Variants in GPRIN3 observed in about 807,000 individuals in gnomAD.
The protein encoded by GPRIN3 is G protein-regulated inducer of neurite outgrowth 3.
In GPRIN3, 12 loss-of-function variants were observed where a neutral mutation model predicts 13.7. The ratio of observed to expected loss-of-function variants is 0.87; its 90% confidence interval spans 0.56 to 1.42. The LOEUF is 1.42. GPRIN3 is among the 40% of genes most tolerant of loss of function. The pLI, the probability that GPRIN3 is intolerant of heterozygous loss-of-function variation, is 0.00. For synonymous variants in GPRIN3, 377 were observed against 372.7 expected, an observed-to-expected ratio of 1.01 and a Z score of -0.13; for missense variants, 1,009 against 958.7, an observed-to-expected ratio of 1.05 and a Z score of -0.69.
intron 1 of GPRIN3, among the ~76,000 whole-genome samples, chr4:89,280,394 A>G (rs1724215006): frequency 6.6e-6 from 1 of 152,242 alleles, no homozygotes; most frequent in Non-Finnish European, 1.5e-5. Context: ...ATATTTCAAG[A>G]TGAAGTTCAA....
chr4:89,289,034 C>T (rs1724499957), intron 1 of GPRIN3, among the ~76,000 whole-genome samples: 1 of 151,872 alleles, frequency 6.6e-6, no homozygotes, highest in Non-Finnish European at 1.5e-5. Flanking sequence ...ACTTTCAGAT[C>T]ATCCCTTTGT....
intron 1 of GPRIN3, among the ~76,000 whole-genome samples, chr4:89,304,921 AAT>A (rs1228284782): frequency 6.6e-6 from 1 of 152,214 alleles, no homozygotes; most frequent in Non-Finnish European, 1.5e-5. Context: ...TTGAGCCAAA[AAT>A]AATTAAGACT....
intron 1 of GPRIN3, among the ~76,000 whole-genome samples, chr4:89,281,528 T>C (rs1488947409): frequency 6.6e-6 from 1 of 152,148 alleles, no homozygotes; most frequent in Non-Finnish European, 1.5e-5. Flanking sequence ...ATCTGCCCCA[T>C]GATCCAATCA....
intron 1 of GPRIN3, among the ~76,000 whole-genome samples, chr4:89,281,141 T>G (rs1227098052): frequency 6.6e-6 from 1 of 151,702 alleles, no homozygotes; most frequent in Non-Finnish European, 1.5e-5. Flanking sequence ...TTTTTTTTTT[T>G]AGATAGAGTC....
At chr4:89,274,359 T>C (rs1343078255) in intron 1 of GPRIN3, among the ~76,000 whole-genome samples, 1 of 152,196 alleles carries the variant, frequency 6.6e-6, no homozygotes, top group Non-Finnish European at 1.5e-5. Context: ...AATGTTTATT[T>C]GGAAGTTCTC....
At chr4:89,299,127 T>G (rs1377072382) in intron 1 of GPRIN3, among the ~76,000 whole-genome samples, 1 of 152,202 alleles carries the variant, frequency 6.6e-6, no homozygotes, top group East Asian at 1.9e-4. Flanking sequence ...TATGGTCTTT[T>G]ATATATTATC....
chr4:89,279,529 T>A (rs1016808060), intron 1 of GPRIN3, among the ~76,000 whole-genome samples: 3 of 152,220 alleles, frequency 2.0e-5, no homozygotes, highest in Admixed American at 2.0e-4. Flanking sequence ...ACTCCCCACT[T>A]CTTGCACAGT....
chr4:89,257,538 C>G (rs1248995322), intron 1 of GPRIN3, among the ~76,000 whole-genome samples: 1 of 152,140 alleles, frequency 6.6e-6, no homozygotes, highest in African/African-American at 2.4e-5. Flanking sequence ...TAGAACAGCT[C>G]TATAAGGATG....
In GPRIN3 at chr4:89,269,899, A is replaced by C. The variant is rs191239071; in HGVS notation, c.-123-19666T>G. On this transcript the variant is annotated intron_variant, in intron 1 of 1. Transcript: ENST00000609438. ...CACTAAGCTTTAAATCAAATACTTG[A>C]GGAACTAAGAGAATAAATGTCCTTT... is the stretch of plus-strand genomic sequence containing the variant. 9.0e-4 allele frequency among the ~76,000 whole-genome samples: 137 copies of C among 152,312 alleles called. 2 individuals are homozygous for C. Among genetic ancestry groups the C allele is most frequent in the Non-Finnish European group, 1.5e-3 (105 of 68,024 alleles).
At chr4:89,268,099 G>A (rs1466004782) in intron 1 of GPRIN3, among the ~76,000 whole-genome samples, 2 of 152,174 alleles carry the variant, frequency 1.3e-5, no homozygotes, top group Non-Finnish European at 2.9e-5. Flanking sequence ...TTTGTGGTGG[G>A]CAATAGGAAG....
At chr4:89,253,086 C>T (rs1723375618) in intron 1 of GPRIN3, among the ~76,000 whole-genome samples, 1 of 151,280 alleles carries the variant, frequency 6.6e-6, no homozygotes, top group Non-Finnish European at 1.5e-5. Context: ...TCTTTTCATG[C>T]ACTGTTTTCG....
At chr4:89,300,083 C>G (rs867826579) in intron 1 of GPRIN3, among the ~76,000 whole-genome samples, 1 of 152,160 alleles carries the variant, frequency 6.6e-6, no homozygotes, top group Admixed American at 6.5e-5. Flanking sequence ...TAAACTTTCA[C>G]AGACTCTACA....
intron 1 of GPRIN3, among the ~76,000 whole-genome samples, chr4:89,258,204 A>C (rs1032959547): frequency 6.7e-6 from 1 of 149,714 alleles, no homozygotes; most frequent in African/African-American, 2.4e-5. Flanking sequence ...AAGGAAATGA[A>C]GACTTGTAGA....
chr4:89,276,454 C>G (rs2149275387), intron 1 of GPRIN3, among the ~76,000 whole-genome samples: 1 of 152,174 alleles, frequency 6.6e-6, no homozygotes, highest in East Asian at 1.9e-4. Context: ...TTTGCTTTTG[C>G]TTATCATTTA....
intron 1 of GPRIN3, chr4:89,250,780 A>T (rs923319902): frequency 6.6e-6 from 1 of 152,212 alleles, no homozygotes; most frequent in Non-Finnish European, 1.5e-5. Flanking sequence ...AAGAAAAGAA[A>T]AGTAGATGTT....
rs767651932 is a variant in GPRIN3 at position 89,249,305 on chromosome 4, G to T, written c.806C>A (p.Pro269His). 5.0e-6 allele frequency: 8 copies of T among 1,614,110 alleles called. No individual in the cohort carries two copies. The South Asian group carries it at 7.7e-5, about 16-fold the overall frequency. Residue 269 changes from proline to histidine, a missense_variant, in exon 2 of 2, where the codon CCC (proline) becomes CAC (histidine). Transcript: ENST00000609438. Reference protein sequence around the residue: ...GTTSVTPQPTPLTSEPSACPP... With the variant: ...GTTSVTPQPTHLTSEPSACPP... ...ACATGCCGAAGGTTCGCTAGTGAGG[G>T]GGGTTGGTTGAGGTGTCACAGAAGT...
intron 1 of GPRIN3, among the ~76,000 whole-genome samples, chr4:89,256,404 AGT>A (rs1226324809): frequency 1.3e-5 from 2 of 152,154 alleles, no homozygotes; most frequent in East Asian, 3.9e-4. Context: ...TTCTGAAAAT[AGT>A]GAGTTCCACT....
chr4:89,278,785 A>G (rs1160555689), intron 1 of GPRIN3, among the ~76,000 whole-genome samples: 2 of 152,254 alleles, frequency 1.3e-5, no homozygotes, highest in Non-Finnish European at 2.9e-5. Context: ...GTATGTCTAA[A>G]TATGGATTTG....
intron 1 of GPRIN3, among the ~76,000 whole-genome samples, chr4:89,299,307 C>A (rs948033154): frequency 3.9e-5 from 6 of 151,994 alleles, no homozygotes; most frequent in African/African-American, 1.5e-4. Context: ...TGTTGAAACA[C>A]CGACACTTTA....
Sources: gnomAD v4.1 joint callset for allele counts (sites outside exome capture counted in the v4.1 genomes callset) on GRCh38, gnomAD v4.1.1 for gene constraint, MANE v1.5 for transcripts, NCBI Gene and HGNC (gene_info 2026-07-23, HGNC 2026-07-21) for gene names.